Variants in ZNF106 observed in about 807,000 individuals in gnomAD.
The protein encoded by ZNF106 is zinc finger protein 106, also known as SH3-domain binding protein 3.
Under a neutral mutation model 195.1 loss-of-function variants are expected in ZNF106, and 67 were observed. That is an observed-to-expected ratio of 0.34 (90% CI 0.28 to 0.42). ZNF106 has a LOEUF of 0.42. Among genes scored for constraint, ZNF106 ranks in the 10% least tolerant of loss-of-function variants. The pLI, the probability that ZNF106 is intolerant of heterozygous loss-of-function variation, is 1.00. For missense variants in ZNF106, 2,118 were observed against 2,304.5 expected (o/e 0.92, Z 1.66); for synonymous variants, 784 against 818.6 (o/e 0.96, Z 0.72).
chr15:42,450,181 T>G lies in ZNF106; in HGVS notation c.2091A>C (p.Leu697=), dbSNP rs765855370. 1 of 1,614,208 alleles carries G rather than the reference T, an allele frequency of 6.2e-7. No individual in the cohort carries two copies. The highest frequency in any genetic ancestry group is 8.5e-7 in the Non-Finnish European group (1 of 1,180,036). The change falls in exon 5 of 22, where the codon CTA becomes CTC. Residue 697 remains leucine, a synonymous_variant. Transcript: ENST00000564754. ...TAGAGTCATCAACCTGTGCATCTTC[T>G]AGAGAGGTTTTCAAGTCTAGCAATA... The part of the protein sequence containing the change: ...PGLLLDLKTS[L]EDAQVDDSIK...
intron 16 of ZNF106, 111 bp downstream of exon 16, chr15:42,424,723 C>T (rs1210023840): frequency 9.0e-7 from 1 of 1,111,970 alleles, no homozygotes; most frequent in Non-Finnish European, 1.3e-6. Flanking sequence ...CAAGCGATCC[C>T]CCTGCCTCAC....
chr15:42,418,187 G>A (rs923511306), intron 20 of ZNF106, among the ~76,000 whole-genome samples: 4 of 152,148 alleles, frequency 2.6e-5, no homozygotes, highest in Admixed American at 2.0e-4. Flanking sequence ...CAGCACTAAC[G>A]TAGCAATTAC....
At chr15:42,436,394 C>T (rs1308010020) in intron 13 of ZNF106, among the ~76,000 whole-genome samples, 2 of 152,160 alleles carry the variant, frequency 1.3e-5, no homozygotes, top group South Asian at 2.1e-4. Flanking sequence ...ATCCTGGTAG[C>T]ACTGCTTCCT....
chr15:42,489,378 T>C (rs1006358592), intron 1 of ZNF106, among the ~76,000 whole-genome samples: 15 of 151,976 alleles, frequency 9.9e-5, no homozygotes, highest in Non-Finnish European at 1.5e-4. Context: ...TGTTTCTCCA[T>C]GTCGGTCAGC....
rs1006186268 is a variant in ZNF106, at chr15:42,449,790, G to C, written c.2482C>G (p.Leu828Val). The C allele has an allele frequency of 6.2e-7, 1 of 1,613,796 alleles. No homozygotes were observed. The highest frequency in any genetic ancestry group is 8.5e-7 in the Non-Finnish European group (1 of 1,179,864). Residue 828 changes from leucine (L) to valine (V), a missense_variant, in exon 5 of 22, where the codon CTG becomes GTG. Coordinates refer to ENST00000564754, the MANE Select transcript of ZNF106 (RefSeq NM_001366845.3). ...IQQVTKKKQE[L>V]GKGLPRFGIE... ...ACACACCTGGGTAAGCCTTTGCCCAGCTCTTGCTTTTTCTTGGTTACTTGC... is the reference window on the plus strand; with the variant it reads ...ACACACCTGGGTAAGCCTTTGCCCACCTCTTGCTTTTTCTTGGTTACTTGC...
chr15:42,442,049 T>TA, intron 10 of ZNF106, 24 bp downstream of exon 10: 1 of 1,579,626 alleles, frequency 6.3e-7, no homozygotes, highest in Non-Finnish European at 8.6e-7. Flanking sequence ...GGGATGCCCT[T>TA]AACCCAGAGA....
intron 9 of ZNF106, among the ~76,000 whole-genome samples, chr15:42,442,782 ATTATTG>A (rs1481263472): frequency 2.0e-5 from 3 of 151,188 alleles, no homozygotes; most frequent in Non-Finnish European, 4.4e-5. Context: ...ATGCCCAGCT[ATTATTG>A]TTATTATTTT....
chr15:42,455,049 T>C (rs1006145010), intron 4 of ZNF106, among the ~76,000 whole-genome samples: 4 of 152,208 alleles, frequency 2.6e-5, no homozygotes, highest in African/African-American at 9.6e-5. Flanking sequence ...ATGGCACTAG[T>C]ATGTAAGAAC....
At chr15:42,420,612 G>A in intron 20 of ZNF106, among the ~76,000 whole-genome samples, 1 of 152,008 alleles carries the variant, frequency 6.6e-6, no homozygotes, top group African/African-American at 2.4e-5. Context: ...AGGCTTATAA[G>A]AAATAGTGTG....
chr15:42,482,407 C>G (rs549369953), intron 1 of ZNF106, among the ~76,000 whole-genome samples: 148 of 151,460 alleles, frequency 9.8e-4, no homozygotes, highest in Non-Finnish European at 1.6e-3. Context: ...CTCTGGAGTC[C>G]TTTATATTCC....
intron 9 of ZNF106, 59 bp from the exon 10 acceptor site, chr15:42,442,473 T>G: frequency 7.1e-7 from 1 of 1,404,180 alleles, no homozygotes; most frequent in South Asian, 1.4e-5. Context: ...AAGTCATTTG[T>G]GTCTGAGCTA....
At chr15:42,418,442 TCTGCCCC>T (rs1200671451) in intron 20 of ZNF106, among the ~76,000 whole-genome samples, 1 of 142,854 alleles carries the variant, frequency 7.0e-6, no homozygotes, top group East Asian at 2.2e-4. Context: ...CACTGCAACC[TCTGCCCC>T]CTGCCCCCTG....
At chr15:42,465,635 A>T (rs905835207) in intron 3 of ZNF106, among the ~76,000 whole-genome samples, 1 of 152,222 alleles carries the variant, frequency 6.6e-6, no homozygotes, top group Non-Finnish European at 1.5e-5. Context: ...AATGAGATTC[A>T]GTGCTATTTA....
chr15:42,455,769 C>T (rs990778485), intron 4 of ZNF106, among the ~76,000 whole-genome samples: 1 of 152,090 alleles, frequency 6.6e-6, no homozygotes, highest in Non-Finnish European at 1.5e-5. Context: ...CGGGGTATAA[C>T]TAGTATTCAA....
Position 42,450,488 on chromosome 15 carries a change from G to T in ZNF106, c.1784C>A (p.Ser595Tyr). Residue 595 changes from serine to tyrosine, a missense_variant, in exon 5 of 22, where the codon TCT becomes TAT. By Grantham distance (144) the Ser-to-Tyr change is moderately radical. Coordinates refer to ENST00000564754, the MANE Select transcript of ZNF106 (RefSeq NM_001366845.3). Reference sequence around the variant, plus strand: ...CTCAATTTTCAAAGACCCTTTTTCAGATTCTTCTACATTTCTACTTGCTTT... The same window carrying T: ...CTCAATTTTCAAAGACCCTTTTTCATATTCTTCTACATTTCTACTTGCTTT... ...YAKASRNVEESEKGSLKIEFQ... is the reference protein window; with the variant it reads ...YAKASRNVEEYEKGSLKIEFQ... The T allele has an allele frequency of 6.2e-7, 1 of 1,613,754 alleles. No individual in the cohort carries two copies. Among genetic ancestry groups the T allele is most frequent in the Non-Finnish European group, 8.5e-7 (1 of 1,179,956 alleles).
In ZNF106 at chr15:42,417,864, G is replaced by C; in HGVS notation, c.5605C>G (p.Leu1869Val). ...TCGCAGTTCTTCCAGCGACATTTCAGAGTCTGGAAGTTGGGATTAGTGTGG... is the reference window on the plus strand; with the variant it reads ...TCGCAGTTCTTCCAGCGACATTTCACAGTCTGGAAGTTGGGATTAGTGTGG... ...TDHTNPNFQT[L>V]KCRWKNCDAF... The change falls in exon 21 of 22, where the codon CTG becomes GTG. Residue 1869 changes from leucine (L) to valine (V), a missense_variant. Transcript: ENST00000564754. 1 of 1,614,042 alleles carries C rather than the reference G, an allele frequency of 6.2e-7. No homozygotes were observed. The highest frequency in any genetic ancestry group is 8.5e-7 in the Non-Finnish European group (1 of 1,179,970).
intron 3 of ZNF106, among the ~76,000 whole-genome samples, chr15:42,458,060 T>A (rs1012856465): frequency 3.3e-5 from 5 of 152,222 alleles, no homozygotes; most frequent in Non-Finnish European, 5.9e-5. Flanking sequence ...CAGCTGACTA[T>A]GCAGTCATTT....
chr15:42,444,264 T>A lies in ZNF106; in HGVS notation c.3361-2A>T. 6.2e-7 allele frequency: 1 copy of A among 1,605,182 alleles called. No homozygotes were observed. Among genetic ancestry groups the A allele is most frequent in the Non-Finnish European group, 8.5e-7 (1 of 1,173,632 alleles). ...CAGTGCACTCATCTCCATAGTTATC[T>A]AAAAATAAAGTATTTTATTAAGCAT... On this transcript the variant is annotated splice_acceptor_variant, in intron 8 of 21. Transcript: ENST00000564754. LOFTEE classifies it high-confidence loss of function.
Position 42,451,312 on chromosome 15 carries a change from A to G in ZNF106, c.960T>C (p.Pro320=). Residue 320 remains proline (P), a synonymous_variant, in exon 5 of 22, where the codon CCT becomes CCC. Coordinates refer to ENST00000564754, the MANE Select transcript of ZNF106 (RefSeq NM_001366845.3). ...ATTTATCACTTGTAAATCCTTCAGA[A>G]GGACCTCTATATGTGGCAACTGTAC... is the stretch of plus-strand genomic sequence containing the variant. ...KLGTVATYRG[P]SEGFTSDKFP... The G allele has an allele frequency of 6.2e-7, 1 of 1,614,150 alleles. No homozygotes were observed. Among genetic ancestry groups the G allele is most frequent in the Non-Finnish European group, 8.5e-7 (1 of 1,179,992 alleles).
Sources: gnomAD v4.1 joint callset for allele counts (sites outside exome capture counted in the v4.1 genomes callset) on GRCh38, gnomAD v4.1.1 for gene constraint, MANE v1.5 for transcripts, NCBI Gene and HGNC (gene_info 2026-07-23, HGNC 2026-07-21) for gene names.